ABCA4: variants seen among roughly 807,000 people sequenced by gnomAD.
ABCA4 encodes retinal-specific phospholipid-transporting ATPase ABCA4.
A neutral mutation model predicts 263.7 loss-of-function variants in ABCA4; 196 were observed. The observed-to-expected ratio is 0.74, with a 90% CI of 0.66 to 0.84. The LOEUF is 0.84. Among genes scored for constraint, ABCA4 ranks in the 40% least tolerant of loss-of-function variants. The pLI is 0.00. For synonymous variants in ABCA4, 1,133 were observed against 1,094.2 expected, an observed-to-expected ratio of 1.04 and a Z score of -0.70; for missense variants, 2,792 against 2,855.1, an observed-to-expected ratio of 0.98 and a Z score of 0.50.
Position 94,031,796 on chromosome 1 carries a change from G to A in ABCA4, c.4110C>T (p.His1370=), listed in dbSNP as rs1660212069. The A allele has an allele frequency of 1.9e-6, 3 of 1,613,756 alleles. No individual in the cohort carries two copies. The highest frequency in any genetic ancestry group is 1.7e-5 in the Admixed American group (1 of 60,006). The change falls in exon 27 of 50, where the codon CAC becomes CAT. Residue 1370 remains histidine, a synonymous_variant. Coordinates refer to ENST00000370225, the MANE Select transcript of ABCA4 (RefSeq NM_000350.3). ...VKRFQHTIRS[H]KDFLAQIVLP... ...ATAGTACCTGCGCCAGGAAGTCCTT[G>A]TGGCTGCGGATGGTGTGTTGGAATC...
At chr1:94,077,612 T>C in intron 11 of ABCA4, 78 bp downstream of exon 11, 1 of 1,376,812 alleles carries the variant, frequency 7.3e-7, no homozygotes, top group Admixed American at 2.3e-5. Flanking sequence ...TCAAGACCAC[T>C]TGACTTGCTA....
chr1:94,062,454 G>T (rs1002012618), intron 13 of ABCA4, 123 bp downstream of exon 13: 12 of 1,175,128 alleles, frequency 1.0e-5, no homozygotes, highest in African/African-American at 7.6e-5. Context: ...CTCCAATTTG[G>T]CTCTGGTCCC....
intron 26 of ABCA4, among the ~76,000 whole-genome samples, chr1:94,033,557 A>C (rs1012858189): frequency 6.6e-6 from 1 of 152,106 alleles, no homozygotes; most frequent in African/African-American, 2.4e-5. Context: ...GTTTATAGTC[A>C]CTGATTAATG....
At chr1:94,009,003 T>A in intron 40 of ABCA4, 132 bp from the exon 41 acceptor site, 2 of 1,298,756 alleles carry the variant, frequency 1.5e-6, no homozygotes, top group Non-Finnish European at 2.1e-6. Context: ...ACTTAAATTC[T>A]AAAAAGGGCT....
At chr1:94,048,763 C>T in intron 18 of ABCA4, 105 bp downstream of exon 18, 4 of 1,099,252 alleles carry the variant, frequency 3.6e-6, no homozygotes, top group Non-Finnish European at 5.5e-6. Context: ...GAGTCAGTTT[C>T]CTAGGCTTCT....
intron 4 of ABCA4, among the ~76,000 whole-genome samples, chr1:94,103,789 C>A (rs949816627): frequency 2.0e-5 from 3 of 152,140 alleles, no homozygotes; most frequent in Non-Finnish European, 4.4e-5. Context: ...TGAGTTGGGG[C>A]CATTAAGGGC....
At chr1:94,011,552 T>C (rs894988410) in intron 38 of ABCA4, among the ~76,000 whole-genome samples, 167 bp from the exon 39 acceptor site, 1 of 152,132 alleles carries the variant, frequency 6.6e-6, no homozygotes, top group African/African-American at 2.4e-5. Flanking sequence ...CAGAGCATCA[T>C]GGGTTTGCAA....
At chr1:94,011,012 C>A in intron 39 of ABCA4, 83 bp from the exon 40 acceptor site, 1 of 1,609,080 alleles carries the variant, frequency 6.2e-7, no homozygotes, top group South Asian at 1.1e-5. Flanking sequence ...CCCACTAGAC[C>A]AGGCCTTATG....
chr1:94,022,947 T>C (rs533855458), intron 32 of ABCA4, among the ~76,000 whole-genome samples: 1 of 152,070 alleles, frequency 6.6e-6, no homozygotes, highest in East Asian at 1.9e-4. Flanking sequence ...CTTGGTGAGG[T>C]TCTAAACCTC....
At chr1:94,019,807 G>C (rs1474672010) in intron 35 of ABCA4, 48 bp from the exon 36 acceptor site, 2 of 1,574,614 alleles carry the variant, frequency 1.3e-6, no homozygotes, top group Non-Finnish European at 1.7e-6. Context: ...AGAGGGAAGA[G>C]CAGAAGGAGG....
intron 49 of ABCA4, 107 bp from the exon 50 acceptor site, chr1:93,993,349 C>A: frequency 7.0e-7 from 1 of 1,429,518 alleles, no homozygotes; most frequent in Non-Finnish European, 9.8e-7. Context: ...CTGAAGGGCA[C>A]TCAGCTGAGG....
intron 1 of ABCA4, 98 bp downstream of exon 1, chr1:94,120,882 A>ACC: frequency 1.2e-5 from 2 of 166,772 alleles, no homozygotes; most frequent in Non-Finnish European, 2.4e-5. Flanking sequence ...ACAACCCCCC[A>ACC]CCCTGCCCCA....
At chr1:94,023,540 C>G in intron 31 of ABCA4, 122 bp from the exon 32 acceptor site, 1 of 889,066 alleles carries the variant, frequency 1.1e-6, no homozygotes, top group Non-Finnish European at 1.8e-6. Flanking sequence ...TTTGCATTTT[C>G]CGATATCCAA....
At chr1:94,055,520 C>T (rs1660951957) in intron 15 of ABCA4, among the ~76,000 whole-genome samples, 1 of 152,154 alleles carries the variant, frequency 6.6e-6, no homozygotes, top group Admixed American at 6.5e-5. Flanking sequence ...AAGAGAGTCT[C>T]TAGCTATACA....
At chr1:94,120,771 A>C (rs1004615596) in intron 1 of ABCA4, among the ~76,000 whole-genome samples, 1 of 152,044 alleles carries the variant, frequency 6.6e-6, no homozygotes, top group African/African-American at 2.4e-5. Flanking sequence ...GGACAGAGAA[A>C]CACATCTTCC....
At position 94,008,226 on chromosome 1, in the gene ABCA4, A is replaced by G. The variant is rs750212929; in HGVS notation, c.5898+9T>C. 2.5e-6 allele frequency: 4 copies of G among 1,614,102 alleles called. No individual in the cohort carries two copies. Among genetic ancestry groups the G allele is most frequent in the Non-Finnish European group, 3.4e-6 (4 of 1,179,968 alleles). ...GAAGCCTTTCACACGTGGTCTGCAG[A>G]GTACCCACCTCTCCAGGGCGAACTC... On this transcript the variant is annotated intron_variant, in intron 42 of 49. Coordinates refer to ENST00000370225, the MANE Select transcript of ABCA4 (RefSeq NM_000350.3).
intron 43 of ABCA4, among the ~76,000 whole-genome samples, chr1:94,006,716 A>G (rs1052472326): frequency 1.3e-5 from 2 of 152,188 alleles, no homozygotes; most frequent in African/African-American, 4.8e-5. Context: ...GAGCCAGTGA[A>G]GCGTGCTCAG....
chr1:94,088,748 G>A (rs77938506), intron 6 of ABCA4, among the ~76,000 whole-genome samples: 130 of 152,278 alleles, frequency 8.5e-4, no homozygotes, highest in African/African-American at 3.0e-3. Context: ...GGCTACTTTA[G>A]GAGGAAGCTG....
chr1:94,090,329 A>C (rs1285906228), intron 6 of ABCA4, among the ~76,000 whole-genome samples: 2 of 151,970 alleles, frequency 1.3e-5, no homozygotes, highest in African/African-American at 4.8e-5. Flanking sequence ...ATAATTCTAA[A>C]GTTTTTTCAT....
Sources: allele counts gnomAD v4.1 joint callset (sites outside exome capture counted in the v4.1 genomes callset), GRCh38; gene constraint gnomAD v4.1.1; transcripts MANE v1.5; gene names NCBI Gene and HGNC (gene_info 2026-07-23, HGNC 2026-07-21).